ALDH1A2: variants seen among roughly 807,000 people sequenced by gnomAD.
ALDH1A2 encodes the protein aldehyde dehydrogenase 1 family member A2, also known as retinal dehydrogenase 2.
A neutral mutation model predicts 60.3 loss-of-function variants in ALDH1A2; 27 were observed. The ratio of observed to expected loss-of-function variants is 0.45; its 90% CI spans 0.33 to 0.62. The LOEUF (loss-of-function observed/expected upper bound fraction) is 0.62, where lower values mean the gene tolerates loss of function less well. Ranked by LOEUF, ALDH1A2 falls within the 20% of genes least tolerant of loss-of-function variation. The pLI, the probability that ALDH1A2 is intolerant of heterozygous loss-of-function variation, is 0.02. For synonymous variants in ALDH1A2, 289 were observed against 232.4 expected (o/e 1.24, Z -2.21); for missense variants, 581 against 643.8 (o/e 0.90, Z 1.06).
chr15:57,982,484 A>G (rs185135745), intron 7 of ALDH1A2, among the ~76,000 whole-genome samples: 43 of 152,172 alleles, frequency 2.8e-4, no homozygotes, highest in African/African-American at 7.9e-4. Flanking sequence ...TCATTTTAAG[A>G]AAGCACTGAG....
chr15:58,011,359 A>C (rs1200774454), intron 3 of ALDH1A2, among the ~76,000 whole-genome samples: 1 of 152,206 alleles, frequency 6.6e-6, no homozygotes, highest in Non-Finnish European at 1.5e-5. Flanking sequence ...AACAACCATT[A>C]CCTATTAAGA....
intron 8 of ALDH1A2, chr15:57,964,358 T>C (rs1893827515): frequency 5.3e-6 from 2 of 380,498 alleles, no homozygotes; most frequent in Non-Finnish European, 9.8e-6. Flanking sequence ...GCTTGGGAGA[T>C]AAGGTACAGG....
At chr15:58,050,235 C>G (rs528637670) in intron 1 of ALDH1A2, among the ~76,000 whole-genome samples, 33 of 151,882 alleles carry the variant, frequency 2.2e-4, no homozygotes, top group African/African-American at 7.7e-4. Context: ...TTCATTATTC[C>G]AGTGTACCAG....
At chr15:58,011,988 C>T (rs1189388367) in intron 3 of ALDH1A2, 3 of 152,144 alleles carry the variant, frequency 2.0e-5, no homozygotes, top group African/African-American at 7.2e-5. Context: ...AGCTCTAGGA[C>T]TATTTTCAAT....
intron 1 of ALDH1A2, among the ~76,000 whole-genome samples, chr15:58,061,677 T>C (rs1023212454): frequency 6.9e-6 from 1 of 145,264 alleles, no homozygotes; most frequent in African/African-American, 2.5e-5. Flanking sequence ...AGAAAAAGTG[T>C]ATGGTGATGA....
At chr15:57,960,723 T>C (rs1275928446) in intron 12 of ALDH1A2, 47 bp downstream of exon 12, 2 of 1,506,848 alleles carry the variant, frequency 1.3e-6, no homozygotes, top group East Asian at 2.3e-5. Context: ...TCTGTGCTGA[T>C]ATTTGCAATC....
intron 12 of ALDH1A2, 65 bp from the exon 13 acceptor site, chr15:57,955,334 G>GGAGTC (rs1370465276): frequency 1.3e-6 from 2 of 1,531,474 alleles, no homozygotes; most frequent in African/African-American, 2.7e-5. Flanking sequence ...GAGTGCAGCG[G>GGAGTC]GAGTCCTGGG....
intron 10 of ALDH1A2, 72 bp from the exon 11 acceptor site, chr15:57,961,366 A>C: frequency 6.5e-7 from 1 of 1,546,824 alleles, no homozygotes; most frequent in African/African-American, 1.4e-5. Flanking sequence ...TTTCAATGCA[A>C]GTTTACTCTG....
intron 4 of ALDH1A2, among the ~76,000 whole-genome samples, chr15:58,002,500 C>G (rs1895307394): frequency 2.0e-5 from 3 of 151,914 alleles, no homozygotes. Flanking sequence ...ATAAAAATAT[C>G]TCGCATTGGC....
intron 5 of ALDH1A2, among the ~76,000 whole-genome samples, chr15:57,994,432 A>G (rs1894987005): frequency 6.6e-6 from 1 of 152,214 alleles, no homozygotes; most frequent in African/African-American, 2.4e-5. Context: ...AATCCCTGCC[A>G]GAACTATTAG....
intron 7 of ALDH1A2, among the ~76,000 whole-genome samples, chr15:57,987,602 C>T (rs1033086480): frequency 2.0e-5 from 3 of 152,024 alleles, no homozygotes; most frequent in African/African-American, 4.8e-5. Context: ...GAAGACAGGC[C>T]GGGTACAGTG....
At chr15:58,037,978 T>A (rs1183447043) in intron 1 of ALDH1A2, among the ~76,000 whole-genome samples, 2 of 151,736 alleles carry the variant, frequency 1.3e-5, no homozygotes, top group Non-Finnish European at 3.0e-5. Flanking sequence ...TTTGCTAACA[T>A]CTGTTAAACT....
At chr15:58,057,252 A>G (rs1325448541) in intron 1 of ALDH1A2, among the ~76,000 whole-genome samples, 2 of 152,206 alleles carry the variant, frequency 1.3e-5, no homozygotes, top group Admixed American at 1.3e-4. Flanking sequence ...AATTATAAGT[A>G]CATCCAACAA....
At chr15:57,980,290 G>A (rs1411501625) in intron 7 of ALDH1A2, 8 of 403,170 alleles carry the variant, frequency 2.0e-5, no homozygotes, top group African/African-American at 1.0e-4. Flanking sequence ...ACACCTGCAT[G>A]TGCCTCATGT....
chr15:57,976,576 C>T (rs1219945315), intron 7 of ALDH1A2, among the ~76,000 whole-genome samples: 1 of 152,104 alleles, frequency 6.6e-6, no homozygotes, highest in African/African-American at 2.4e-5. Context: ...CATCCAGGTC[C>T]CTGTAAAGGA....
intron 4 of ALDH1A2, 99 bp from the exon 5 acceptor site, chr15:57,995,238 A>AAC: frequency 1.2e-6 from 1 of 826,712 alleles, no homozygotes; most frequent in Non-Finnish European, 2.0e-6. Context: ...AAAAAAAAAC[A>AAC]AACAGAAATA....
In ALDH1A2 at chr15:58,039,433, T is replaced by C. The variant is rs544046958; in HGVS notation, c.118-25152A>G. On this transcript the variant is annotated intron_variant, in intron 1 of 12. Transcript: ENST00000249750. ...GCTTCCATGTAAATCATGTTACAAA[T>C]TGGACAACACCCAGAGAGTTCATTG... Among the ~76,000 whole-genome samples the C allele has an allele frequency of 3.3e-5, 5 of 151,862 alleles. No individual in the cohort carries two copies. The South Asian group carries it at 6.2e-4, about 19-fold the overall frequency.
At chr15:57,999,499 C>T (rs1208957171) in intron 4 of ALDH1A2, among the ~76,000 whole-genome samples, 1 of 151,954 alleles carries the variant, frequency 6.6e-6, no homozygotes, top group African/African-American at 2.4e-5. Context: ...AACCATCTCA[C>T]CCCACTCAGA....
At chr15:58,026,988 G>A (rs752586509) in intron 1 of ALDH1A2, among the ~76,000 whole-genome samples, 6 of 152,276 alleles carry the variant, frequency 3.9e-5, no homozygotes, top group East Asian at 1.9e-4. Context: ...AGACTTAAAC[G>A]TCCCTGAAGA....
Sources: gnomAD v4.1 joint callset for allele counts (sites outside exome capture counted in the v4.1 genomes callset) on GRCh38, gnomAD v4.1.1 for gene constraint, MANE v1.5 for transcripts, NCBI Gene and HGNC (gene_info 2026-07-23, HGNC 2026-07-21) for gene names.